The following PKHD1 variants were observed in gnomAD, a reference collection of about 807,000 sequenced individuals.
PKHD1 encodes PKHD1 ciliary IPT domain containing fibrocystin/polyductin.
In PKHD1, 291 loss-of-function variants were observed where a neutral mutation model predicts 412.0. The observed-to-expected ratio is 0.71, with a 90% CI of 0.64 to 0.78. The LOEUF is 0.78. PKHD1 is among the 30% of genes least tolerant of loss of function. The probability of loss-of-function intolerance (pLI) is 0.00; values close to 1 mark genes in which losing one functional copy is unlikely to be tolerated. For missense variants in PKHD1, 4,825 were observed against 4,950.7 expected (o/e 0.97, Z 0.76); for synonymous variants, 1,777 against 1,821.5 (o/e 0.98, Z 0.62).
chr6:51,949,297 A>G (rs892264197), intron 36 of PKHD1, among the ~76,000 whole-genome samples: 20 of 152,194 alleles, frequency 1.3e-4, no homozygotes, highest in African/African-American at 4.3e-4. Flanking sequence ...AGCCTGTGGA[A>G]TTCCCTTTCC....
intron 53 of PKHD1, among the ~76,000 whole-genome samples, chr6:51,788,418 G>C (rs767776882): frequency 4.8e-5 from 6 of 126,246 alleles, no homozygotes; most frequent in Admixed American, 9.0e-5. Context: ...ACTGCATCAA[G>C]GAGTTCTCCT....
chr6:51,807,454 A>ATAT (rs1452565645), intron 52 of PKHD1, among the ~76,000 whole-genome samples: 7 of 48,874 alleles, frequency 1.4e-4, no homozygotes, highest in African/African-American at 4.7e-4. Context: ...AAAAAAAAAA[A>ATAT]AAAAATATAT....
At chr6:51,945,909 G>C (rs1284833650) in intron 36 of PKHD1, among the ~76,000 whole-genome samples, 2 of 152,202 alleles carry the variant, frequency 1.3e-5, no homozygotes, top group Non-Finnish European at 1.5e-5. Context: ...CACTAGGGTT[G>C]TTCTCATAGT....
rs201723848 is a variant in PKHD1 at position 52,076,243 on chromosome 6, C to T, written c.448+33G>A. 78 of 1,488,406 alleles carry T rather than the reference C, an allele frequency of 5.2e-5. No homozygotes were observed. The African/African-American group carries it at 9.4e-4, about 18-fold the overall frequency. The allele number at this position is 1,488,406 out of a possible 1,614,324, so 92.2% of individuals were successfully genotyped here. A position where few individuals can be genotyped will look rare whatever the true frequency, so the allele number is the denominator to read the frequency against. Reference sequence around the variant, plus strand: ...CAACAAGCTTTGGCAAACAGATTCACAATTATTCCTATTTTAATAGAAGAT... The same window carrying T: ...CAACAAGCTTTGGCAAACAGATTCATAATTATTCCTATTTTAATAGAAGAT... On this transcript the variant is annotated intron_variant, in intron 6 of 66. Coordinates refer to ENST00000371117, the MANE Select transcript of PKHD1 (RefSeq NM_138694.4).
At chr6:51,837,445 G>T (rs1202576553) in intron 50 of PKHD1, among the ~76,000 whole-genome samples, 1 of 152,138 alleles carries the variant, frequency 6.6e-6, no homozygotes, top group Non-Finnish European at 1.5e-5. Flanking sequence ...TGTGGCTCAT[G>T]CCTGTAATCC....
At position 52,022,852 on chromosome 6, in the gene PKHD1, G is replaced by A. The variant is rs1344525766; in HGVS notation, c.5329C>T (p.Leu1777=). Residue 1777 remains leucine (L), a synonymous_variant, in exon 33 of 67, where the codon CTG becomes TTG. Transcript: ENST00000371117. The part of the protein sequence containing the change: ...AAVCGAPCRV[L]ANATVSAFSC... Reference sequence around the variant, plus strand: ...AAGGCAGACACTGTAGCATTAGCCAGGACTCGGCAGGGAGCACCACACACA... The same window carrying A: ...AAGGCAGACACTGTAGCATTAGCCAAGACTCGGCAGGGAGCACCACACACA... 5 of 1,614,140 alleles carry A rather than the reference G, an allele frequency of 3.1e-6. No individual in the cohort carries two copies. The highest frequency in any genetic ancestry group is 3.4e-6 in the Non-Finnish European group (4 of 1,180,032).
intron 52 of PKHD1, among the ~76,000 whole-genome samples, chr6:51,803,802 G>C (rs1763284234): frequency 6.6e-6 from 1 of 151,422 alleles, no homozygotes; most frequent in Non-Finnish European, 1.5e-5. Context: ...CGCCACCTGG[G>C]TTCAAGCAAT....
chr6:51,760,473 A>G (rs1240276488), intron 55 of PKHD1, among the ~76,000 whole-genome samples: 1 of 152,122 alleles, frequency 6.6e-6, no homozygotes, highest in Non-Finnish European at 1.5e-5. Context: ...TGATGGGAAA[A>G]TTTGTAGAGT....
intron 52 of PKHD1, among the ~76,000 whole-genome samples, chr6:51,805,643 A>C (rs1763647396): frequency 6.6e-6 from 1 of 152,230 alleles, no homozygotes; most frequent in Non-Finnish European, 1.5e-5. Context: ...GCAAGAGAGC[A>C]GATTAGGAAG....
At chr6:51,974,415 CA>C (rs2127999601) in intron 35 of PKHD1, among the ~76,000 whole-genome samples, 1 of 152,190 alleles carries the variant, frequency 6.6e-6, no homozygotes, top group Non-Finnish European at 1.5e-5. Flanking sequence ...ACCTTTTGAA[CA>C]GTTTGAGAAT....
intron 60 of PKHD1, among the ~76,000 whole-genome samples, chr6:51,741,395 CT>C (rs370833781): frequency 1.3e-4 from 19 of 149,484 alleles, no homozygotes; most frequent in South Asian, 2.1e-4. Context: ...ATGTTTTTCT[CT>C]TTTTTTTTTC....
At chr6:51,731,716 C>A (rs938435401) in intron 60 of PKHD1, among the ~76,000 whole-genome samples, 1 of 152,146 alleles carries the variant, frequency 6.6e-6, no homozygotes, top group Admixed American at 6.5e-5. Flanking sequence ...AAAATCAATT[C>A]TCTTTAATGT....
chr6:51,993,403 C>A (rs554650337), intron 35 of PKHD1, among the ~76,000 whole-genome samples: 1 of 152,330 alleles, frequency 6.6e-6, no homozygotes, highest in Admixed American at 6.5e-5. Context: ...AACACTTGAA[C>A]TTTTACTTTT....
In PKHD1 at chr6:51,751,687, T is replaced by C. The variant is rs1295677395; in HGVS notation, c.8950+1514A>G. 2.0e-5 allele frequency among the ~76,000 whole-genome samples: 3 copies of C among 152,202 alleles called. No individual in the cohort carries two copies. The East Asian group carries it at 5.8e-4, about 29-fold the overall frequency. ...TTTTCATTCATATTTATTAAGTACC[T>C]AATGTACAGCAGTTACCACACTAGG... On this transcript the variant is annotated intron_variant, in intron 57 of 66. Coordinates refer to ENST00000371117, the MANE Select transcript of PKHD1 (RefSeq NM_138694.4).
At chr6:51,955,105 A>C (rs78569864) in intron 36 of PKHD1, among the ~76,000 whole-genome samples, 174 of 152,216 alleles carry the variant, frequency 1.1e-3, no homozygotes, top group African/African-American at 4.1e-3. Context: ...TAATTAACTA[A>C]ATCAAGGCAA....
intron 1 of PKHD1, among the ~76,000 whole-genome samples, chr6:52,085,828 TG>T (rs887794636): frequency 2.0e-5 from 3 of 151,984 alleles, no homozygotes; most frequent in Non-Finnish European, 2.9e-5. Context: ...TTACCTAATC[TG>T]AGATGAACAG....
At chr6:51,871,133 TA>T (rs1158995303) in intron 46 of PKHD1, among the ~76,000 whole-genome samples, 1 of 152,178 alleles carries the variant, frequency 6.6e-6, no homozygotes, top group Admixed American at 6.5e-5. Flanking sequence ...CTTATAAAGT[TA>T]AATATGCCCT....
At chr6:51,669,500 C>T (rs1224586737) in intron 60 of PKHD1, among the ~76,000 whole-genome samples, 1 of 148,946 alleles carries the variant, frequency 6.7e-6, no homozygotes, top group Non-Finnish European at 1.5e-5. Flanking sequence ...AAAACCAGCT[C>T]CTGGATTCAT....
chr6:52,075,112 T>A (rs1012222564), intron 6 of PKHD1, among the ~76,000 whole-genome samples: 7 of 152,078 alleles, frequency 4.6e-5, no homozygotes, highest in African/African-American at 1.4e-4. Flanking sequence ...ACAGACCACA[T>A]CCCTCTTTCA....
Sources: allele counts gnomAD v4.1 joint callset (sites outside exome capture counted in the v4.1 genomes callset), GRCh38; gene constraint gnomAD v4.1.1; transcripts MANE v1.5; gene names NCBI Gene and HGNC (gene_info 2026-07-23, HGNC 2026-07-21).